The following MARCHF1 variants were observed in gnomAD, a reference collection of about 807,000 sequenced individuals.
MARCHF1 encodes the protein E3 ubiquitin-protein ligase MARCHF1.
A neutral mutation model predicts 54.2 loss-of-function variants in MARCHF1; 40 were observed. That is an observed-to-expected ratio of 0.74 (90% CI 0.57 to 0.96). MARCHF1 has a LOEUF of 0.96. Ranked by LOEUF, MARCHF1 falls within the 40% of genes least tolerant of loss-of-function variation. The probability of loss-of-function intolerance (pLI) is 0.00; values close to 1 mark genes in which losing one functional copy is unlikely to be tolerated. For missense variants in MARCHF1, 586 were observed against 656.5 expected, an observed-to-expected ratio of 0.89 and a Z score of 1.17; for synonymous variants, 236 against 236.3, an observed-to-expected ratio of 1.00 and a Z score of 0.01.
At chr4:163,974,844 C>T (rs1752617408) in intron 3 of MARCHF1, among the ~76,000 whole-genome samples, 1 of 152,102 alleles carries the variant, frequency 6.6e-6, no homozygotes, top group Non-Finnish European at 1.5e-5. Context: ...GAGGAAGTTT[C>T]TAAATGAGAT....
chr4:164,197,167 A>T, intron 1 of MARCHF1: 1 of 1,607,088 alleles, frequency 6.2e-7, no homozygotes, highest in Non-Finnish European at 8.5e-7. Flanking sequence ...CTCATCTTCC[A>T]CTACCTGAGC....
At chr4:164,279,409 A>G (rs1733969528) in intron 1 of MARCHF1, among the ~76,000 whole-genome samples, 1 of 151,416 alleles carries the variant, frequency 6.6e-6, no homozygotes, top group Non-Finnish European at 1.5e-5. Flanking sequence ...GGAAAGATGC[A>G]TAAATATATA....
chr4:164,279,995 A>C (rs1019014199), intron 1 of MARCHF1, among the ~76,000 whole-genome samples: 1 of 151,906 alleles, frequency 6.6e-6, no homozygotes, highest in Admixed American at 6.6e-5. Flanking sequence ...GAATTGATTA[A>C]AATATTTTAT....
intron 1 of MARCHF1, among the ~76,000 whole-genome samples, chr4:164,159,678 T>G (rs182424005): frequency 6.6e-6 from 1 of 152,274 alleles, no homozygotes; most frequent in East Asian, 1.9e-4. Flanking sequence ...GCAGAAACGT[T>G]TTTAATATCA....
intron 3 of MARCHF1, among the ~76,000 whole-genome samples, chr4:163,878,326 G>A (rs766869070): frequency 3.3e-5 from 5 of 152,152 alleles, no homozygotes; most frequent in Admixed American, 6.6e-5. Context: ...ATATGAATCT[G>A]TCATTGTTCT....
chr4:163,945,955 A>T (rs952858120), intron 3 of MARCHF1, among the ~76,000 whole-genome samples: 8 of 151,906 alleles, frequency 5.3e-5, no homozygotes, highest in Non-Finnish European at 1.5e-5. Flanking sequence ...GGTCTCTGTT[A>T]TGGTAAATAT....
chr4:164,017,247 C>A (rs1753562587), intron 2 of MARCHF1, among the ~76,000 whole-genome samples: 1 of 151,922 alleles, frequency 6.6e-6, no homozygotes, highest in South Asian at 2.1e-4. Flanking sequence ...GAGGGCTTTC[C>A]CTGCAACATT....
At chr4:164,167,015 C>T (rs7683310) in intron 1 of MARCHF1, among the ~76,000 whole-genome samples, 28,706 of 150,960 alleles carry the variant, frequency 0.19, 4,376 homozygotes, top group African/African-American at 0.41. Context: ...CTCTCAGACT[C>T]ATGAGGGACA....
intron 7 of MARCHF1, among the ~76,000 whole-genome samples, chr4:163,588,022 A>G (rs1439344420): frequency 6.6e-6 from 1 of 152,154 alleles, no homozygotes; most frequent in Non-Finnish European, 1.5e-5. Context: ...CAACATTGCC[A>G]GAGACCTCAA....
chr4:163,895,771 G>T (rs1750792624), intron 3 of MARCHF1, among the ~76,000 whole-genome samples: 2 of 152,076 alleles, frequency 1.3e-5, no homozygotes, highest in Admixed American at 1.3e-4. Flanking sequence ...TGTCTACCTT[G>T]CCACTGGGTG....
chr4:163,743,741 G>A (rs1050459670), intron 4 of MARCHF1, among the ~76,000 whole-genome samples: 4 of 152,084 alleles, frequency 2.6e-5, no homozygotes, highest in Non-Finnish European at 1.5e-5. Context: ...ACCATGCCTG[G>A]CCAATTTTTT....
intron 4 of MARCHF1, among the ~76,000 whole-genome samples, chr4:163,785,670 C>G: frequency 6.6e-6 from 1 of 151,710 alleles, no homozygotes; most frequent in East Asian, 1.9e-4. Context: ...TATATAATAG[C>G]TAATATATTC....
chr4:164,250,291 G>A (rs1169221024), intron 1 of MARCHF1, among the ~76,000 whole-genome samples: 1 of 151,976 alleles, frequency 6.6e-6, no homozygotes, highest in Non-Finnish European at 1.5e-5. Flanking sequence ...GAAAATAGAA[G>A]GCAACAATTT....
chr4:163,933,870 C>T (rs1388847996), intron 3 of MARCHF1, among the ~76,000 whole-genome samples: 1 of 152,154 alleles, frequency 6.6e-6, no homozygotes, highest in Non-Finnish European at 1.5e-5. Context: ...TCTTTATTTG[C>T]TGCTGTTTAA....
chr4:163,616,111 CTA>C (rs1468632782), intron 5 of MARCHF1, among the ~76,000 whole-genome samples: 1 of 152,106 alleles, frequency 6.6e-6, no homozygotes, highest in Non-Finnish European at 1.5e-5. Context: ...AACTAAAAGA[CTA>C]TTAGGAAAAA....
intron 2 of MARCHF1, among the ~76,000 whole-genome samples, chr4:164,046,849 G>A (rs1754253906): frequency 6.6e-6 from 1 of 152,022 alleles, no homozygotes; most frequent in Admixed American, 6.6e-5. Flanking sequence ...CATGGAAAAA[G>A]GATTACTTCC....
intron 3 of MARCHF1, among the ~76,000 whole-genome samples, chr4:163,913,813 G>A (rs560202186): frequency 6.6e-6 from 1 of 152,212 alleles, no homozygotes; most frequent in African/African-American, 2.4e-5. Flanking sequence ...TGCCATCACA[G>A]TCTGCACACA....
At chr4:164,025,850 A>G (rs1753756774) in intron 2 of MARCHF1, among the ~76,000 whole-genome samples, 1 of 152,060 alleles carries the variant, frequency 6.6e-6, no homozygotes, top group African/African-American at 2.4e-5. Context: ...CAAAGAAAAA[A>G]ATATTTAAAT....
chr4:163,699,680 G>C (rs1419907749), intron 5 of MARCHF1, among the ~76,000 whole-genome samples: 1 of 152,096 alleles, frequency 6.6e-6, no homozygotes, highest in South Asian at 2.1e-4. Context: ...AGGGGTCCTG[G>C]CAATTGAGAA....
Sources: gnomAD v4.1 joint callset for allele counts (sites outside exome capture counted in the v4.1 genomes callset) on GRCh38, gnomAD v4.1.1 for gene constraint, MANE v1.5 for transcripts, NCBI Gene and HGNC (gene_info 2026-07-23, HGNC 2026-07-21) for gene names.